HDAC9: variants seen among roughly 807,000 people sequenced by gnomAD.
HDAC9 encodes the protein MEF-2 interacting transcription repressor (MITR) protein.
Under a neutral mutation model 139.4 loss-of-function variants are expected in HDAC9, and 41 were observed. That is an observed-to-expected ratio of 0.29 (90% CI 0.23 to 0.38). The LOEUF is 0.38. Among genes scored for constraint, HDAC9 ranks in the 10% least tolerant of loss-of-function variants. The pLI is 1.00. For synonymous variants in HDAC9, 517 were observed against 476.2 expected (o/e 1.09, Z -1.12); for missense variants, 1,147 against 1,297.0 (o/e 0.88, Z 1.78).
At chr7:18,140,125 C>G (rs1584282803) in intron 1 of HDAC9, among the ~76,000 whole-genome samples, 1 of 152,156 alleles carries the variant, frequency 6.6e-6, no homozygotes, top group African/African-American at 2.4e-5. Flanking sequence ...TGTTTTCCCC[C>G]AAAGCCAGGG....
chr7:18,591,394 A>G, intron 4 of HDAC9, 122 bp from the exon 5 acceptor site: 1 of 1,337,234 alleles, frequency 7.5e-7, no homozygotes, highest in Non-Finnish European at 9.7e-7. Context: ...GTGACCAGCG[A>G]TTTTACTTCT....
At chr7:18,882,788 GT>G (rs1799831326) in intron 22 of HDAC9, among the ~76,000 whole-genome samples, 1 of 152,048 alleles carries the variant, frequency 6.6e-6, no homozygotes, top group Non-Finnish European at 1.5e-5. Flanking sequence ...GAAAGTCTGG[GT>G]GTTTAGATGA....
rs528018309 is a variant in HDAC9, at chr7:18,436,590, C to T, written c.-41-59672C>T. 9.8e-5 allele frequency among the ~76,000 whole-genome samples: 15 copies of T among 152,288 alleles called. No homozygotes were observed. In the East Asian group the frequency reaches 1.9e-3, roughly 20 times the overall value. ...CATATACAATAAACATTTAATTTAA[C>T]GTCTTTGCACGGGAAAGTGTGTAAA... is the stretch of plus-strand genomic sequence containing the variant. On this transcript the variant is annotated intron_variant, in intron 1 of 3. Transcript: ENST00000413509.
chr7:18,451,368 C>CGTGT (rs71553928), intron 1 of HDAC9, among the ~76,000 whole-genome samples: 14,267 of 138,532 alleles, frequency 0.1, 761 homozygotes, highest in South Asian at 0.11. Flanking sequence ...TGTATATGTG[C>CGTGT]GTGTGTGTGT....
chr7:18,795,324 TTCCACCACTTGCATAGTG>T (rs898765553), intron 17 of HDAC9, among the ~76,000 whole-genome samples: 2 of 146,968 alleles, frequency 1.4e-5, no homozygotes, highest in Non-Finnish European at 3.0e-5. Flanking sequence ...TTAGTCCAGG[TTCCACCACTTGCATAGTG>T]TGTCATTTGT....
Position 18,411,817 on chromosome 7 carries a change from C to CTTTTTTT in HDAC9, c.-41-84427_-41-84421dup, listed in dbSNP as rs71014326. Among the ~76,000 whole-genome samples the CTTTTTTT allele has an allele frequency of 2.4e-4, 21 of 88,950 alleles. 1 individual carries two copies. The highest frequency in any genetic ancestry group is 2.4e-4 in the African/African-American group (5 of 21,012). 58.4% of individuals were successfully genotyped at this position (88,950 alleles called of 152,430 possible). On this transcript the variant is annotated intron_variant, in intron 1 of 3. Coordinates refer to the HDAC9 transcript ENST00000413509. ...GTGTACTAAATGTAATTTCAACTTG[C>CTTTTTTT]TTTTTTTTTTTTTTTTTTTTTTTTA... is the stretch of plus-strand genomic sequence containing the variant.
chr7:18,304,534 A>G (rs1224477171), intron 1 of HDAC9, among the ~76,000 whole-genome samples: 14 of 152,130 alleles, frequency 9.2e-5, no homozygotes. Flanking sequence ...CCCTCAGGCT[A>G]TTTAGCAGGG....
intron 2 of HDAC9, among the ~76,000 whole-genome samples, chr7:18,190,220 C>T (rs1790243550): frequency 6.6e-6 from 1 of 152,216 alleles, no homozygotes; most frequent in Non-Finnish European, 1.5e-5. Flanking sequence ...GCTGGGATTA[C>T]AGGCGTGAGC....
intron 1 of HDAC9, among the ~76,000 whole-genome samples, chr7:18,426,215 C>T (rs781058672): frequency 3.3e-5 from 5 of 152,038 alleles, no homozygotes; most frequent in African/African-American, 9.7e-5. Context: ...GAGAAATGTT[C>T]GTGGTTTATG....
intron 1 of HDAC9, among the ~76,000 whole-genome samples, chr7:18,487,719 T>C (rs954488292): frequency 1.4e-4 from 21 of 152,110 alleles, no homozygotes; most frequent in South Asian, 2.1e-4. Context: ...GAAGTCAGAA[T>C]TGAATTGCAA....
chr7:18,338,777 A>G (rs1466884668), intron 1 of HDAC9, among the ~76,000 whole-genome samples: 2 of 151,518 alleles, frequency 1.3e-5, no homozygotes, highest in Non-Finnish European at 3.0e-5. Flanking sequence ...GATCCCATAT[A>G]ATAAATTGAG....
At chr7:18,987,631 C>T (rs948088691) in intron 25 of HDAC9, among the ~76,000 whole-genome samples, 22 of 152,246 alleles carry the variant, frequency 1.4e-4, no homozygotes, top group Admixed American at 1.2e-3. Flanking sequence ...GGCATAGTTT[C>T]AGAAGGAATG....
At chr7:18,982,817 CTTCATTT>C (rs1255391973) in intron 25 of HDAC9, among the ~76,000 whole-genome samples, 1 of 152,062 alleles carries the variant, frequency 6.6e-6, no homozygotes, top group Non-Finnish European at 1.5e-5. Context: ...TCCGGAGTTT[CTTCATTT>C]TTATTATTGT....
chr7:18,861,149 A>C (rs940472320), intron 21 of HDAC9, among the ~76,000 whole-genome samples: 5 of 152,214 alleles, frequency 3.3e-5, no homozygotes, highest in Non-Finnish European at 5.9e-5. Flanking sequence ...TGGCATATTA[A>C]AATTCACGGT....
intron 1 of HDAC9, among the ~76,000 whole-genome samples, chr7:18,360,502 T>A (rs1783692892): frequency 6.6e-6 from 1 of 152,154 alleles, no homozygotes; most frequent in African/African-American, 2.4e-5. Flanking sequence ...TCCAGAGGCC[T>A]CTCCATTTGC....
intron 6 of HDAC9, among the ~76,000 whole-genome samples, chr7:18,601,545 C>T (rs1833951370): frequency 6.6e-6 from 1 of 151,984 alleles, no homozygotes; most frequent in Non-Finnish European, 1.5e-5. Context: ...AAGGGGACAT[C>T]CTCACCTTGT....
intron 22 of HDAC9, among the ~76,000 whole-genome samples, chr7:18,885,497 C>A (rs1800073546): frequency 1.3e-5 from 2 of 152,006 alleles, no homozygotes; most frequent in Non-Finnish European, 2.9e-5. Flanking sequence ...CCTCTGAAAC[C>A]ATTACAAAAT....
At chr7:18,966,468 C>T (rs569017226) in intron 24 of HDAC9, among the ~76,000 whole-genome samples, 11 of 152,084 alleles carry the variant, frequency 7.2e-5, no homozygotes, top group African/African-American at 1.4e-4. Context: ...TTTGTGAGGC[C>T]GTGGCAGGCA....
chr7:18,168,188 T>C (rs1788135087), intron 2 of HDAC9, among the ~76,000 whole-genome samples: 1 of 152,222 alleles, frequency 6.6e-6, no homozygotes, highest in Admixed American at 6.5e-5. Context: ...ATAATGTCAA[T>C]TTATCTGAAA....
Sources: allele counts gnomAD v4.1 joint callset (sites outside exome capture counted in the v4.1 genomes callset), GRCh38; gene constraint gnomAD v4.1.1; transcripts MANE v1.5; gene names NCBI Gene and HGNC (gene_info 2026-07-23, HGNC 2026-07-21).